The following STON1 variants were observed in gnomAD, a reference collection of about 807,000 sequenced individuals.
STON1 encodes stonin 1, also known as stonin-1.
In STON1, 79 loss-of-function variants were observed where a neutral mutation model predicts 60.9. The observed-to-expected ratio is 1.30, with a 90% CI of 1.08 to 1.56. The LOEUF (loss-of-function observed/expected upper bound fraction) is 1.56. Among genes scored for constraint, STON1 ranks in the 40% most tolerant of loss-of-function variants. The pLI is 0.00. For synonymous variants in STON1, 363 were observed against 306.9 expected (o/e 1.18, Z -1.91); for missense variants, 1,166 against 858.9 (o/e 1.36, Z -4.47).
intron 1 of STON1, among the ~76,000 whole-genome samples, chr2:48,560,965 C>T (rs1672586839): frequency 6.6e-6 from 1 of 152,220 alleles, no homozygotes; most frequent in Admixed American, 6.5e-5. Context: ...ACTTTTCTGC[C>T]TTGGGGGCTC....
chr2:48,549,845 AAGC>A (rs1672022584), intron 1 of STON1, among the ~76,000 whole-genome samples: 1 of 147,142 alleles, frequency 6.8e-6, no homozygotes, highest in South Asian at 2.3e-4. Context: ...AGAAAAGAAA[AAGC>A]AGCCTAGGTC....
At chr2:48,573,917 A>T (rs1465400113) in intron 1 of STON1, among the ~76,000 whole-genome samples, 1 of 152,234 alleles carries the variant, frequency 6.6e-6, no homozygotes, top group African/African-American at 2.4e-5. Context: ...AAGAAGCCAG[A>T]CACAAAAGCC....
At chr2:48,580,533 A>C in intron 1 of STON1, 54 bp from the exon 2 acceptor site, 205 of 797,660 alleles carry the variant, frequency 2.6e-4, no homozygotes, top group Non-Finnish European at 3.2e-4. Flanking sequence ...TTTAGTAATG[A>C]TTCCCCCCTT....
intron 1 of STON1, among the ~76,000 whole-genome samples, chr2:48,544,580 C>G (rs1468615386): frequency 6.6e-6 from 1 of 152,132 alleles, no homozygotes; most frequent in African/African-American, 2.4e-5. Context: ...GAGTCTTGCT[C>G]TGTTGCTTAG....
At chr2:48,570,916 G>T (rs1366684449) in intron 1 of STON1, among the ~76,000 whole-genome samples, 1 of 135,676 alleles carries the variant, frequency 7.4e-6, no homozygotes, top group Non-Finnish European at 1.5e-5. Flanking sequence ...AGGCTGGAGT[G>T]CAGTGGAGTG....
At position 48,596,706 on chromosome 2, in the gene STON1, T is replaced by C. The variant is rs531535498; in HGVS notation, c.*1404T>C. 76 of 152,308 alleles carry C rather than the reference T, an allele frequency of 5.0e-4. No homozygotes were observed. The highest frequency in any genetic ancestry group is 1.8e-3 in the African/African-American group (76 of 41,558). 9.4% of individuals were successfully genotyped at this position (152,308 alleles called of 1,614,324 possible). ...AATATTTAATATTATATTACATTCA[T>C]TGAAATCTGTTCAAAAACAGATTAA... On this transcript the variant is annotated 3_prime_UTR_variant, in exon 4 of 4. Coordinates refer to ENST00000404752, the MANE Select transcript of STON1 (RefSeq NM_006873.4).
At chr2:48,564,480 T>TTCTTCTTCTTCTTCTTCCTTCTTC (rs1558604783) in intron 1 of STON1, among the ~76,000 whole-genome samples, 1 of 32,480 alleles carries the variant, frequency 3.1e-5, no homozygotes, top group African/African-American at 1.2e-4. Context: ...CTTCTTCTTC[T>TTCTTCTTCTTCTTCTTCCTTCTTC]TTCTTCTTCT....
At chr2:48,583,460 C>CA (rs1179331604) in intron 2 of STON1, among the ~76,000 whole-genome samples, 28 of 152,064 alleles carry the variant, frequency 1.8e-4, no homozygotes, top group African/African-American at 6.5e-4. Context: ...AAAAATTTTG[C>CA]AAATAAAAAT....
At chr2:48,560,300 T>A (rs1050796284) in intron 1 of STON1, among the ~76,000 whole-genome samples, 1 of 152,232 alleles carries the variant, frequency 6.6e-6, no homozygotes, top group Non-Finnish European at 1.5e-5. Flanking sequence ...GCTAACTTGA[T>A]CTCGCATCAT....
chr2:48,577,364 C>G (rs1456901344), intron 1 of STON1, among the ~76,000 whole-genome samples: 1 of 151,870 alleles, frequency 6.6e-6, no homozygotes, highest in Non-Finnish European at 1.5e-5. Flanking sequence ...GGGCAGATCA[C>G]GAGGTCGGGA....
At chr2:48,587,399 T>C (rs1465603890) in intron 2 of STON1, among the ~76,000 whole-genome samples, 1 of 152,094 alleles carries the variant, frequency 6.6e-6, no homozygotes, top group Non-Finnish European at 1.5e-5. Context: ...TTCAAGAGAT[T>C]TTTCTGCCTC....
At chr2:48,546,605 C>T (rs1244129142) in intron 1 of STON1, among the ~76,000 whole-genome samples, 1 of 152,206 alleles carries the variant, frequency 6.6e-6, no homozygotes, top group Admixed American at 6.5e-5. Context: ...CAAAGTACTT[C>T]AGAATTGTCT....
intron 1 of STON1, among the ~76,000 whole-genome samples, chr2:48,564,477 T>TCC (rs1672782899): frequency 2.1e-5 from 1 of 48,690 alleles, no homozygotes; most frequent in African/African-American, 8.1e-5. Flanking sequence ...CTTCTTCTTC[T>TCC]TCTTTCTTCT....
chr2:48,549,810 C>CAAAAA (rs59908100), intron 1 of STON1, among the ~76,000 whole-genome samples: 11 of 78,066 alleles, frequency 1.4e-4, no homozygotes, highest in African/African-American at 2.4e-4. Flanking sequence ...GACTCCATCT[C>CAAAAA]AAAAAAAAAA....
chr2:48,559,311 C>T (rs1201885025), intron 1 of STON1, among the ~76,000 whole-genome samples: 1 of 152,176 alleles, frequency 6.6e-6, no homozygotes, highest in Non-Finnish European at 1.5e-5. Context: ...GTCTTGCTCA[C>T]AGTTCTGGAG....
intron 1 of STON1, among the ~76,000 whole-genome samples, chr2:48,549,810 CAAAAAAAAA>C (rs59908100): frequency 1.3e-5 from 1 of 78,100 alleles, no homozygotes; most frequent in Non-Finnish European, 2.3e-5. Flanking sequence ...GACTCCATCT[CAAAAAAAAA>C]AAAAAAAAAA....
intron 1 of STON1, among the ~76,000 whole-genome samples, chr2:48,535,470 T>C (rs916800003): frequency 1.3e-5 from 2 of 152,048 alleles, no homozygotes; most frequent in African/African-American, 4.8e-5. Context: ...TCCATTCTCT[T>C]TGTGGAAGGT....
chr2:48,537,602 C>T (rs1572922169), intron 1 of STON1, among the ~76,000 whole-genome samples: 1 of 151,652 alleles, frequency 6.6e-6, no homozygotes, highest in Non-Finnish European at 1.5e-5. Flanking sequence ...TAATTCCAGC[C>T]CTTTGGGAGG....
In STON1 at chr2:48,581,587, A is replaced by G. The variant is rs149077948; in HGVS notation, c.954A>G (p.Pro318=). The change falls in exon 2 of 4, where the codon CCA becomes CCG. Residue 318 remains proline (P), a synonymous_variant. Transcript: ENST00000404752. ...QMYYEQGLEK[P]FKEIQLDPYC... is the part of the protein sequence containing the mutation. ...ATTATGAACAGGGATTAGAAAAACC[A>G]TTTAAAGAGATACAGCTTGATCCAT... 5.7e-4 allele frequency: 921 copies of G among 1,614,218 alleles called. 3 individuals carry two copies. In the African/African-American group the frequency reaches 0.011, roughly 19 times the overall value.
Sources: allele counts gnomAD v4.1 joint callset (sites outside exome capture counted in the v4.1 genomes callset), GRCh38; gene constraint gnomAD v4.1.1; transcripts MANE v1.5; gene names NCBI Gene and HGNC (gene_info 2026-07-23, HGNC 2026-07-21).